Variants in PKN2 observed in about 807,000 individuals in gnomAD.
The protein encoded by PKN2 is serine/threonine-protein kinase N2.
PKN2 carries 38 observed loss-of-function variants against 119.1 expected under a neutral mutation model. The ratio of observed to expected loss-of-function variants is 0.32; its 90% CI spans 0.25 to 0.42. PKN2 has a LOEUF of 0.42. Among genes scored for constraint, PKN2 ranks in the 10% least tolerant of loss-of-function variants. The pLI is 1.00. For synonymous variants in PKN2, 390 were observed against 384.9 expected, an observed-to-expected ratio of 1.01 and a Z score of -0.15; for missense variants, 850 against 1,165.1, an observed-to-expected ratio of 0.73 and a Z score of 3.94.
chr1:88,740,241 C>T (rs2100743095), intron 1 of PKN2, among the ~76,000 whole-genome samples: 1 of 152,114 alleles, frequency 6.6e-6, no homozygotes, highest in African/African-American at 2.4e-5. Context: ...AAATGGAGTT[C>T]TGAATATAGT....
At chr1:88,739,385 A>G (rs886568302) in intron 1 of PKN2, among the ~76,000 whole-genome samples, 4 of 152,204 alleles carry the variant, frequency 2.6e-5, no homozygotes, top group Non-Finnish European at 4.4e-5. Context: ...AGGTAAATTG[A>G]TATGAAAACC....
chr1:88,793,285 A>G (rs150590532), intron 8 of PKN2, among the ~76,000 whole-genome samples: 18 of 152,368 alleles, frequency 1.2e-4, no homozygotes, highest in Non-Finnish European at 2.2e-4. Flanking sequence ...AAAATAGACT[A>G]GTATCTACAT....
chr1:88,796,563 G>GT (rs965116944), intron 8 of PKN2, among the ~76,000 whole-genome samples: 1 of 152,042 alleles, frequency 6.6e-6, no homozygotes, highest in African/African-American at 2.4e-5. Flanking sequence ...ACCTTTGTAT[G>GT]TTTTTTCCCC....
At chr1:88,804,752 A>C in intron 9 of PKN2, 94 bp from the exon 10 acceptor site, 1 of 783,118 alleles carries the variant, frequency 1.3e-6, no homozygotes, top group Non-Finnish European at 2.1e-6. Context: ...ACTAAACTGT[A>C]ACTAAGATTC....
At chr1:88,799,481 G>T (rs1671221983) in intron 8 of PKN2, among the ~76,000 whole-genome samples, 1 of 152,104 alleles carries the variant, frequency 6.6e-6, no homozygotes, top group African/African-American at 2.4e-5. Flanking sequence ...GTCCTACCCT[G>T]TTTTTGGGCT....
chr1:88,817,297 A>G (rs2100903795), intron 16 of PKN2, among the ~76,000 whole-genome samples: 1 of 152,036 alleles, frequency 6.6e-6, no homozygotes, highest in Middle Eastern at 3.4e-3. Context: ...AATGACAAAA[A>G]CTACATGATT....
At chr1:88,825,125 G>C (rs1189350821) in intron 18 of PKN2, among the ~76,000 whole-genome samples, 1 of 152,202 alleles carries the variant, frequency 6.6e-6, no homozygotes, top group African/African-American at 2.4e-5. Flanking sequence ...GTAAGTGTTT[G>C]ATTAATAAGT....
intron 2 of PKN2, among the ~76,000 whole-genome samples, chr1:88,744,949 T>C (rs1668714385): frequency 6.6e-6 from 1 of 152,204 alleles, no homozygotes; most frequent in Admixed American, 6.5e-5. Context: ...ATCATGCCCA[T>C]GATACTCTGA....
At chr1:88,753,987 C>G (rs1181110452) in intron 2 of PKN2, among the ~76,000 whole-genome samples, 1 of 151,772 alleles carries the variant, frequency 6.6e-6, no homozygotes, top group East Asian at 1.9e-4. Context: ...ACTGTAATTC[C>G]TTTGAAGGTA....
At chr1:88,824,759 G>A (rs1253944671) in intron 18 of PKN2, among the ~76,000 whole-genome samples, 2 of 152,152 alleles carry the variant, frequency 1.3e-5, no homozygotes, top group African/African-American at 4.8e-5. Context: ...TTTAAAAATA[G>A]AAAATAAATA....
chr1:88,739,716 C>T (rs930973350), intron 1 of PKN2, among the ~76,000 whole-genome samples: 1 of 152,126 alleles, frequency 6.6e-6, no homozygotes, highest in African/African-American at 2.4e-5. Flanking sequence ...TAGTAATGGA[C>T]TTTGAAACAG....
At position 88,784,635 on chromosome 1, in the gene PKN2, A is replaced by G. The variant is rs1419813312; in HGVS notation, c.986-4A>G. 6.4e-7 allele frequency: 1 copy of G among 1,557,658 alleles called. No individual in the cohort carries two copies. Among genetic ancestry groups the G allele is most frequent in the South Asian group, 1.2e-5 (1 of 83,500 alleles). The stretch of plus-strand genomic sequence containing the variant: ...TCTTATCTGATATTTATGTTTGCCA[A>G]CAGGTACTTTGGAAGTTCGTCTTAT... On this transcript the variant is annotated splice_polypyrimidine_tract_variant and splice_region_variant and intron_variant, in intron 6 of 21. Coordinates refer to ENST00000370521, the MANE Select transcript of PKN2 (RefSeq NM_006256.4).
chr1:88,771,766 T>C lies in PKN2; in HGVS notation c.872T>C (p.Ile291Thr). The change falls in exon 6 of 22, where the codon ATT becomes ACT. Residue 291 changes from isoleucine (I) to threonine (T), a missense_variant. By Grantham distance (89) the Ile-to-Thr change is moderately conservative. Coordinates refer to ENST00000370521, the MANE Select transcript of PKN2 (RefSeq NM_006256.4). The stretch of plus-strand genomic sequence containing the variant: ...CCCAAGAATCATCCCAAAAGCAGGA[T>C]TATTATTGAAGAACTTTCACTTGTT... ...EVPKNHPKSR[I>T]IIEELSLVAA... is the part of the protein sequence containing the mutation. 6.2e-7 allele frequency: 1 copy of C among 1,613,892 alleles called. No homozygotes were observed. Among genetic ancestry groups the C allele is most frequent in the Non-Finnish European group, 8.5e-7 (1 of 1,179,860 alleles).
chr1:88,805,041 A>G (rs563934365), intron 10 of PKN2, 120 bp downstream of exon 10: 1 of 563,120 alleles, frequency 1.8e-6, no homozygotes, highest in African/African-American at 2.0e-5. Context: ...ATTTATTTCT[A>G]ACTTCTTATT....
chr1:88,791,434 A>C (rs1446759753), intron 8 of PKN2, among the ~76,000 whole-genome samples: 1 of 152,092 alleles, frequency 6.6e-6, no homozygotes. Flanking sequence ...TGTCTCAAAA[A>C]AAAAAAAAAA....
intron 1 of PKN2, among the ~76,000 whole-genome samples, chr1:88,727,692 T>G (rs1199061384): frequency 6.6e-6 from 1 of 152,272 alleles, no homozygotes; most frequent in Non-Finnish European, 1.5e-5. Flanking sequence ...TATCACTCTT[T>G]TTTTGTTTTG....
chr1:88,697,970 T>C (rs547751729), intron 1 of PKN2, among the ~76,000 whole-genome samples: 1 of 152,348 alleles, frequency 6.6e-6, no homozygotes, highest in Admixed American at 6.5e-5. Context: ...TCATTTTCTC[T>C]TCTAGGCTTA....
At chr1:88,810,347 C>G (rs1671731983) in intron 15 of PKN2, among the ~76,000 whole-genome samples, 1 of 151,832 alleles carries the variant, frequency 6.6e-6, no homozygotes, top group Non-Finnish European at 1.5e-5. Context: ...GTCTCAAACT[C>G]CTGAGCTCAG....
intron 2 of PKN2, among the ~76,000 whole-genome samples, chr1:88,743,880 T>TTTTTTTTTTTTTTTTTTTTTTTGAGACGG (rs1175726708): frequency 6.6e-6 from 1 of 152,126 alleles, no homozygotes; most frequent in African/African-American, 2.4e-5. Context: ...TGACCATTTT[T>TTTTTTTTTTTTTTTTTTTTTTTGAGACGG]AATACTGACA....
Sources: gnomAD v4.1 joint callset for allele counts (sites outside exome capture counted in the v4.1 genomes callset) on GRCh38, gnomAD v4.1.1 for gene constraint, MANE v1.5 for transcripts, NCBI Gene and HGNC (gene_info 2026-07-23, HGNC 2026-07-21) for gene names.